ANO10: variants seen among roughly 807,000 people sequenced by gnomAD.
ANO10 encodes anoctamin 10, also known as anoctamin-10.
A neutral mutation model predicts 74.7 loss-of-function variants in ANO10; 77 were observed. The ratio of observed to expected loss-of-function variants is 1.03; its 90% CI spans 0.86 to 1.25. The LOEUF is 1.25. Among genes scored for constraint, ANO10 ranks in the 50% most tolerant of loss-of-function variants. ANO10 has a pLI of 0.00. For missense variants in ANO10, 721 were observed against 778.1 expected, an observed-to-expected ratio of 0.93 and a Z score of 0.87; for synonymous variants, 279 against 284.9, an observed-to-expected ratio of 0.98 and a Z score of 0.21.
chr3:43,467,517 T>C (rs2075677907), intron 11 of ANO10, among the ~76,000 whole-genome samples: 1 of 152,244 alleles, frequency 6.6e-6, no homozygotes, highest in African/African-American at 2.4e-5. Context: ...ATTCCATCTA[T>C]ATGAATTTCT....
chr3:43,643,034 T>C (rs929786161), intron 1 of ANO10, among the ~76,000 whole-genome samples: 17 of 150,190 alleles, frequency 1.1e-4, no homozygotes, highest in African/African-American at 4.3e-4. Flanking sequence ...CTTTTCTTTT[T>C]TCTTTTTTTT....
At chr3:43,421,785 C>T (rs1024626488) in intron 12 of ANO10, among the ~76,000 whole-genome samples, 1 of 152,038 alleles carries the variant, frequency 6.6e-6, no homozygotes, top group East Asian at 1.9e-4. Context: ...CTGTAGTGAG[C>T]TGTGATCGTG....
chr3:43,380,901 T>A (rs945716574), intron 12 of ANO10, among the ~76,000 whole-genome samples: 1 of 152,220 alleles, frequency 6.6e-6, no homozygotes, highest in Non-Finnish European at 1.5e-5. Flanking sequence ...CAAGACTGGA[T>A]AATTTACAAA....
chr3:43,474,085 G>A (rs1180090492), intron 11 of ANO10, among the ~76,000 whole-genome samples: 1 of 152,104 alleles, frequency 6.6e-6, no homozygotes, highest in East Asian at 1.9e-4. Context: ...AGGCCTTTTT[G>A]GTTTTGGTAT....
intron 4 of ANO10, among the ~76,000 whole-genome samples, chr3:43,597,454 C>T (rs1004068048): frequency 2.6e-5 from 4 of 152,070 alleles, no homozygotes; most frequent in African/African-American, 9.7e-5. Context: ...GAGTTCATGT[C>T]CTTTGTAGGG....
chr3:43,623,066 A>G (rs2083454256), upstream of ANO10, among the ~76,000 whole-genome samples: 1 of 152,062 alleles, frequency 6.6e-6, no homozygotes, highest in South Asian at 2.1e-4. Context: ...GGGTTTCACT[A>G]TGTTGGCCAG....
intron 1 of ANO10, among the ~76,000 whole-genome samples, chr3:43,647,870 G>C (rs1009901287): frequency 6.6e-6 from 1 of 152,244 alleles, no homozygotes; most frequent in East Asian, 1.9e-4. Context: ...AGAATTCATA[G>C]GTTTATGTAG....
intron 1 of ANO10, among the ~76,000 whole-genome samples, chr3:43,659,757 C>T (rs769478546): frequency 1.1e-4 from 16 of 152,184 alleles, no homozygotes; most frequent in Non-Finnish European, 1.6e-4. Flanking sequence ...GCTCCAGTAA[C>T]GGACTAAACT....
chr3:43,572,944 G>T (rs1433394086), intron 7 of ANO10, among the ~76,000 whole-genome samples: 1 of 151,584 alleles, frequency 6.6e-6, no homozygotes, highest in Non-Finnish European at 1.5e-5. Context: ...GATTAAAAAG[G>T]AAGAGAGAGG....
chr3:43,636,581 GA>G (rs1177414284), intron 1 of ANO10: 2 of 152,214 alleles, frequency 1.3e-5, no homozygotes, highest in African/African-American at 4.8e-5. Context: ...AGAGAGGATT[GA>G]AAGAAGACAT....
chr3:43,397,839 C>A (rs1330098030), intron 12 of ANO10, among the ~76,000 whole-genome samples: 1 of 149,904 alleles, frequency 6.7e-6, no homozygotes, highest in African/African-American at 2.5e-5. Flanking sequence ...CTCAAATAGT[C>A]TCTCTTCTAT....
intron 12 of ANO10, among the ~76,000 whole-genome samples, chr3:43,394,118 T>C (rs550531207): frequency 1.4e-4 from 21 of 152,234 alleles, no homozygotes; most frequent in Non-Finnish European, 2.6e-4. Context: ...TAAGTGTTGG[T>C]AGATATGCTT....
At chr3:43,630,425 A>C (rs1248950981) in intron 1 of ANO10, among the ~76,000 whole-genome samples, 2 of 152,202 alleles carry the variant, frequency 1.3e-5, no homozygotes, top group Non-Finnish European at 2.9e-5. Context: ...GGCAAATATA[A>C]ACACCAATAA....
intron 1 of ANO10, among the ~76,000 whole-genome samples, chr3:43,685,646 A>C (rs2084265221): frequency 6.6e-6 from 1 of 152,158 alleles, no homozygotes; most frequent in Non-Finnish European, 1.5e-5. Flanking sequence ...ACTTCCACCA[A>C]ATGGGTAGGG....
In ANO10 at chr3:43,659,985, C is replaced by T. The variant is rs548867955; in HGVS notation, c.-12+31532G>A. On this transcript the variant is annotated intron_variant, in intron 1 of 3. Transcript: ENST00000413397. ...CCAGCAGATGTCCACAGGACTCCGA[C>T]AGACCTGCGGCTGAGGGGCCTGTCT... is the stretch of plus-strand genomic sequence containing the variant. Among the ~76,000 whole-genome samples, 5 of 152,328 alleles carry T rather than the reference C, an allele frequency of 3.3e-5. No homozygotes were observed. The East Asian group carries it at 7.7e-4, about 24-fold the overall frequency.
At chr3:43,622,379 C>T (rs1462502255), upstream of ANO10, among the ~76,000 whole-genome samples, 2 of 152,134 alleles carry the variant, frequency 1.3e-5, no homozygotes, top group Non-Finnish European at 2.9e-5. Context: ...CGAGCCGGGG[C>T]GGCATGTGGC....
chr3:43,623,717 C>T (rs977086054), upstream of ANO10, among the ~76,000 whole-genome samples: 1 of 152,144 alleles, frequency 6.6e-6, no homozygotes, highest in African/African-American at 2.4e-5. Flanking sequence ...GCAGAAGACT[C>T]GTTACTTGGT....
chr3:43,690,838 G>A, intron 1 of ANO10: 1 of 685,548 alleles, frequency 1.5e-6, no homozygotes, highest in Non-Finnish European at 2.1e-6. Flanking sequence ...GGCCGCGCAC[G>A]CGCAAACGCG....
intron 11 of ANO10, among the ~76,000 whole-genome samples, chr3:43,470,904 GGTGT>G (rs1045340644): frequency 6.6e-6 from 1 of 152,036 alleles, no homozygotes; most frequent in African/African-American, 2.4e-5. Context: ...TGGGATTACA[GGTGT>G]GCACCACCGC....
Sources: gnomAD v4.1 joint callset for allele counts (sites outside exome capture counted in the v4.1 genomes callset) on GRCh38, gnomAD v4.1.1 for gene constraint, MANE v1.5 for transcripts, NCBI Gene and HGNC (gene_info 2026-07-23, HGNC 2026-07-21) for gene names.